Variants in TENM1 observed in about 807,000 individuals in gnomAD.
TENM1 encodes teneurin-1.
Under a neutral mutation model 174.8 loss-of-function variants are expected in TENM1, and 35 were observed. That is an observed-to-expected ratio of 0.20 (90% CI 0.15 to 0.27). TENM1 has a LOEUF of 0.27. Among genes scored for constraint, TENM1 ranks in the 10% least tolerant of loss-of-function variants. TENM1 has a pLI of 1.00. For missense variants in TENM1, 1,633 were observed against 2,130.1 expected (o/e 0.77, Z 4.59); for synonymous variants, 781 against 798.7 (o/e 0.98, Z 0.37).
intron 3 of TENM1, among the ~76,000 whole-genome samples, chrX:124,748,720 A>G (rs949109045): frequency 2.7e-5 from 3 of 112,192 alleles, no homozygotes. Context: ...GAATGACACA[A>G]TGGTTAAGTT....
intron 3 of TENM1, among the ~76,000 whole-genome samples, chrX:124,752,498 G>T (rs375046522): frequency 8.1e-5 from 9 of 111,347 alleles, no homozygotes; most frequent in East Asian, 2.8e-4. Context: ...TTAGTTTAAT[G>T]AGATCCCATT....
chrX:124,982,030 G>A, the TENM1 span, among the ~76,000 whole-genome samples: 14 of 71,994 alleles, frequency 1.9e-4, 1 homozygote, highest in Admixed American at 1.8e-3. Context: ...GTGTGGTAGC[G>A]TGATTTTGTC....
At chrX:124,629,249 G>A (rs749132642) in intron 11 of TENM1, among the ~76,000 whole-genome samples, 1 of 112,419 alleles carries the variant, frequency 8.9e-6, no homozygotes, top group African/African-American at 3.2e-5. Flanking sequence ...TGAAGAGGCA[G>A]AATAGCTACT....
chrX:125,125,087 T>C, the TENM1 span, among the ~76,000 whole-genome samples: 2 of 112,438 alleles, frequency 1.8e-5, no homozygotes, highest in Non-Finnish European at 3.8e-5. Context: ...GTTAAGATAT[T>C]GTAAAAATAT....
chrX:124,686,117 T>TA (rs16299), intron 5 of TENM1, among the ~76,000 whole-genome samples: 20,262 of 110,798 alleles, frequency 0.18, 2,267 homozygotes, highest in African/African-American at 0.42. Flanking sequence ...AAAAGTGGCC[T>TA]ATCATATACA....
intron 23 of TENM1, among the ~76,000 whole-genome samples, chrX:124,426,075 A>G (rs188762978): frequency 1.2e-3 from 125 of 106,714 alleles, no homozygotes; most frequent in African/African-American, 3.7e-3. Flanking sequence ...GAGATGTGCT[A>G]GGCACTGGAG....
intron 6 of TENM1, among the ~76,000 whole-genome samples, chrX:124,656,004 T>C (rs2051432810): frequency 8.9e-6 from 1 of 112,356 alleles, no homozygotes; most frequent in South Asian, 3.7e-4. Context: ...CGCAAGTTAA[T>C]GTTCAGTTTA....
the TENM1 span, among the ~76,000 whole-genome samples, chrX:125,008,003 G>A: frequency 9.0e-5 from 10 of 111,258 alleles, no homozygotes; most frequent in East Asian, 2.3e-3. Context: ...CTAGCATCAT[G>A]ATGACAAGAA....
the TENM1 span, among the ~76,000 whole-genome samples, chrX:125,039,243 A>G: frequency 8.9e-6 from 1 of 111,847 alleles, no homozygotes; most frequent in Admixed American, 9.5e-5. Context: ...AATATCAGAT[A>G]AGGTTTTTGT....
At chrX:125,005,189 TACACACAC>T in the TENM1 span, among the ~76,000 whole-genome samples, 16,301 of 88,589 alleles carry the variant, frequency 0.18, 1,244 homozygotes, top group Non-Finnish European at 0.23. Context: ...GATGTATACA[TACACACAC>T]ACACACACAC....
the TENM1 span, among the ~76,000 whole-genome samples, chrX:125,115,306 T>G: frequency 1.8e-5 from 2 of 111,492 alleles, no homozygotes; most frequent in East Asian, 5.6e-4. Context: ...CAAGCTGGAA[T>G]CATTCCCTTT....
chrX:124,866,931 C>T (rs1281554864), intron 3 of TENM1, among the ~76,000 whole-genome samples: 1 of 110,891 alleles, frequency 9.0e-6, no homozygotes, highest in Non-Finnish European at 1.9e-5. Flanking sequence ...ATATAACCTA[C>T]CAAGATTGAA....
chrX:124,645,382 A>T (rs771467460), intron 9 of TENM1, 45 bp from the exon 13 acceptor site: 18 of 1,118,372 alleles, frequency 1.6e-5, no homozygotes, highest in Non-Finnish European at 1.9e-5. Context: ...TAATGCTTTC[A>T]AAGTCTCCAA....
chrX:124,811,265 T>C (rs2055765691), intron 3 of TENM1, among the ~76,000 whole-genome samples: 1 of 111,715 alleles, frequency 9.0e-6, no homozygotes, highest in African/African-American at 3.2e-5. Context: ...AAATTATAGA[T>C]CTGATAAGGG....
exon 7 of TENM1, chrX:124,653,736 C>T: frequency 8.3e-7 from 1 of 1,211,413 alleles, no homozygotes. Context: ...ATGACCTGTG[C>T]ACCAATGTCA....
At chrX:124,919,046 G>C (rs965269380) in intron 1 of TENM1, among the ~76,000 whole-genome samples, 2 of 112,096 alleles carry the variant, frequency 1.8e-5, no homozygotes, top group Non-Finnish European at 3.8e-5. Context: ...CTTGAAAGTT[G>C]TAACAGTTTT....
intron 1 of TENM1, among the ~76,000 whole-genome samples, chrX:124,904,635 C>T (rs2057716777): frequency 8.9e-6 from 1 of 112,390 alleles, no homozygotes. Flanking sequence ...CAGGAAAATA[C>T]AATTTATAAT....
chrX:124,977,906 G>C, the TENM1 span, among the ~76,000 whole-genome samples: 79 of 104,936 alleles, frequency 7.5e-4, no homozygotes, highest in African/African-American at 2.6e-3. Context: ...TGATATGCTT[G>C]ATGTTGTCCC....
intron 27 of TENM1, 113 bp downstream of exon 30, chrX:124,404,918 G>C (rs2060445002): frequency 1.2e-5 from 8 of 671,127 alleles, no homozygotes; most frequent in Admixed American, 2.8e-5. Flanking sequence ...AAGCTTTGGA[G>C]AAATGGGACT....
Sources: gnomAD v4.1 joint callset for allele counts (sites outside exome capture counted in the v4.1 genomes callset) on GRCh38, gnomAD v4.1.1 for gene constraint, MANE v1.5 for transcripts, NCBI Gene and HGNC (gene_info 2026-07-23, HGNC 2026-07-21) for gene names.